The following PRKCE variants were observed in gnomAD, a reference collection of about 807,000 sequenced individuals.
PRKCE encodes protein kinase C epsilon, also known as protein kinase C epsilon type.
PRKCE carries 16 observed loss-of-function variants against 85.4 expected under a neutral mutation model. That is an observed-to-expected ratio of 0.19 (90% CI 0.13 to 0.28). PRKCE has a LOEUF of 0.28. PRKCE is among the 10% of genes least tolerant of loss of function. PRKCE has a pLI of 1.00. For missense variants in PRKCE, 573 were observed against 975.2 expected (o/e 0.59, Z 5.49); for synonymous variants, 388 against 371.5 (o/e 1.04, Z -0.51).
rs543614320 is a variant in PRKCE at position 46,187,004 on chromosome 2, GGA to G, written c.*2130_*2131del. On this transcript the variant is annotated 3_prime_UTR_variant, in exon 15 of 15. Transcript: ENST00000306156. The stretch of plus-strand genomic sequence containing the variant: ...TTTATCTTCGGTAACTTGACATTCT[GGA>G]GAGAGACTATCTTCTGGAGTTGAGT... 6.6e-6 allele frequency: 1 copy of G among 152,360 alleles called. No homozygotes were observed. Among genetic ancestry groups the G allele is most frequent in the Non-Finnish European group, 1.5e-5 (1 of 67,994 alleles). 9.4% of individuals were successfully genotyped at this position (152,360 alleles called of 1,614,324 possible).
chr2:45,995,189 A>T (rs1248318359), intron 6 of PRKCE, among the ~76,000 whole-genome samples: 1 of 152,068 alleles, frequency 6.6e-6, no homozygotes, highest in Non-Finnish European at 1.5e-5. Flanking sequence ...ATAGGCATAT[A>T]TTATCATATA....
intron 1 of PRKCE, among the ~76,000 whole-genome samples, chr2:45,665,697 T>C (rs955188947): frequency 3.3e-5 from 5 of 152,242 alleles, no homozygotes; most frequent in African/African-American, 1.2e-4. Context: ...AAACAATGAA[T>C]ACTTTTTTTT....
At chr2:45,978,888 T>C in intron 3 of PRKCE, 88 bp from the exon 4 acceptor site, 1 of 1,096,948 alleles carries the variant, frequency 9.1e-7, no homozygotes, top group East Asian at 2.4e-5. Context: ...GCTATGTGGG[T>C]GGTGGCCCAA....
chr2:45,687,469 G>A (rs533658846), intron 1 of PRKCE, among the ~76,000 whole-genome samples: 2 of 152,214 alleles, frequency 1.3e-5, no homozygotes, highest in East Asian at 3.9e-4. Context: ...TGCATAATGG[G>A]AACATAAATT....
chr2:45,688,781 T>C (rs373194266), intron 1 of PRKCE, among the ~76,000 whole-genome samples: 1 of 152,236 alleles, frequency 6.6e-6, no homozygotes, highest in African/African-American at 2.4e-5. Context: ...AAGGATACAC[T>C]TTCTAATTAT....
In PRKCE at chr2:45,850,642, C is replaced by G. The variant is rs191936091; in HGVS notation, c.412+7579C>G. Among the ~76,000 whole-genome samples the G allele has an allele frequency of 5.3e-3, 807 of 152,282 alleles. 7 individuals carry two copies. The highest frequency in any genetic ancestry group is 6.5e-3 in the Non-Finnish European group (442 of 68,018). On this transcript the variant is annotated intron_variant, in intron 2 of 14. Coordinates refer to ENST00000306156, the MANE Select transcript of PRKCE (RefSeq NM_005400.3). ...CAGTTTTATTGATTTTCCTTATTAC[C>G]TAGCTTTGTTGAAACATGCATGTTT...
chr2:45,721,590 G>C (rs112304421), intron 1 of PRKCE, among the ~76,000 whole-genome samples: 3 of 152,110 alleles, frequency 2.0e-5, no homozygotes, highest in African/African-American at 7.2e-5. Flanking sequence ...ACATAGATGA[G>C]AGTTGACATG....
intron 10 of PRKCE, among the ~76,000 whole-genome samples, chr2:46,019,936 G>A (rs964945445): frequency 4.3e-5 from 6 of 138,054 alleles, no homozygotes; most frequent in Non-Finnish European, 9.0e-5. Flanking sequence ...TACAACCTCT[G>A]CCTCCCAGGC....
intron 1 of PRKCE, among the ~76,000 whole-genome samples, chr2:45,841,131 T>A (rs976298888): frequency 3.9e-5 from 6 of 152,344 alleles, no homozygotes; most frequent in African/African-American, 1.4e-4. Flanking sequence ...ATGGACAATG[T>A]ATTACAACTT....
At chr2:45,923,753 C>G (rs1351797628) in intron 2 of PRKCE, among the ~76,000 whole-genome samples, 2 of 152,220 alleles carry the variant, frequency 1.3e-5, no homozygotes, top group East Asian at 3.9e-4. Flanking sequence ...GTTGGGAAGG[C>G]TCCCTGGGGA....
At chr2:45,762,580 A>T (rs1684593779) in intron 1 of PRKCE, among the ~76,000 whole-genome samples, 1 of 152,222 alleles carries the variant, frequency 6.6e-6, no homozygotes, top group African/African-American at 2.4e-5. Context: ...TATCTGGAAG[A>T]GCTTGCCTGG....
chr2:46,039,582 G>C (rs1022505037), intron 10 of PRKCE, among the ~76,000 whole-genome samples: 2 of 151,858 alleles, frequency 1.3e-5, no homozygotes, highest in African/African-American at 4.8e-5. Context: ...GGAAGAGGGA[G>C]TCTGGTTCAT....
intron 8 of PRKCE, 40 bp from the exon 9 acceptor site, chr2:46,007,422 G>T (rs767966749): frequency 1.9e-6 from 3 of 1,587,676 alleles, no homozygotes; most frequent in Non-Finnish European, 2.6e-6. Context: ...AGGCTTAAGA[G>T]GTATGCACTA....
chr2:46,126,617 C>G (rs1298858675), intron 11 of PRKCE, among the ~76,000 whole-genome samples: 1 of 152,160 alleles, frequency 6.6e-6, no homozygotes, highest in Non-Finnish European at 1.5e-5. Context: ...ATATATATTT[C>G]CCATTTGAAT....
chr2:45,719,004 C>T (rs149564201), intron 1 of PRKCE, among the ~76,000 whole-genome samples: 2 of 152,338 alleles, frequency 1.3e-5, no homozygotes, highest in East Asian at 1.9e-4. Context: ...AAAGAATTGA[C>T]ATTCAGTGTT....
At chr2:46,020,031 G>A (rs749370509) in intron 10 of PRKCE, among the ~76,000 whole-genome samples, 63 of 151,958 alleles carry the variant, frequency 4.1e-4, no homozygotes, top group Non-Finnish European at 6.2e-4. Flanking sequence ...TGTATTTTTA[G>A]TAGAAATGGG....
At chr2:46,025,738 G>A (rs932133128) in intron 10 of PRKCE, among the ~76,000 whole-genome samples, 2 of 152,226 alleles carry the variant, frequency 1.3e-5, no homozygotes, top group Non-Finnish European at 2.9e-5. Flanking sequence ...GGTCCCATCT[G>A]ATTCAAGGAA....
At chr2:45,867,130 G>T (rs1483106593) in intron 2 of PRKCE, among the ~76,000 whole-genome samples, 1 of 152,214 alleles carries the variant, frequency 6.6e-6, no homozygotes, top group Non-Finnish European at 1.5e-5. Context: ...GTGTGCTGAA[G>T]AATGATTGTC....
Position 45,786,660 on chromosome 2 carries a change from G to A in PRKCE, c.349-56340G>A, listed in dbSNP as rs1183189152. ...GAGATTCAGGGGTGGGAGTGAGGGG[G>A]CAAGGGTTTAAGTTTATTATCAAGG... On this transcript the variant is annotated intron_variant, in intron 1 of 14. Transcript: ENST00000306156. This position sits in a 1 kb window ranked among gnomAD's most constrained non-coding sequence, Gnocchi z 5.3. Among the ~76,000 whole-genome samples the A allele has an allele frequency of 1.3e-5, 2 of 152,268 alleles. No homozygotes were observed. Among genetic ancestry groups the A allele is most frequent in the Non-Finnish European group, 2.9e-5 (2 of 68,024 alleles).
Sources: gnomAD v4.1 joint callset for allele counts (sites outside exome capture counted in the v4.1 genomes callset) on GRCh38, gnomAD v4.1.1 for gene constraint, Gnocchi (gnomAD v3.1) non-coding constraint, MANE v1.5 for transcripts, NCBI Gene and HGNC (gene_info 2026-07-23, HGNC 2026-07-21) for gene names.